Variants in MED13L observed in about 807,000 individuals in gnomAD.
The protein encoded by MED13L is mediator of RNA polymerase II transcription subunit 13-like.
A neutral mutation model predicts 220.9 loss-of-function variants in MED13L; 7 were observed. The observed-to-expected ratio is 0.03, with a 90% CI of 0.02 to 0.06. The LOEUF is 0.06. Ranked by LOEUF, MED13L falls within the 10% of genes least tolerant of loss-of-function variation. MED13L has a pLI of 1.00. For missense variants in MED13L, 1,965 were observed against 2,760.5 expected (o/e 0.71, Z 6.46); for synonymous variants, 1,011 against 1,015.2 (o/e 1.00, Z 0.08).
At chr12:116,007,706 T>C (rs932566876) in intron 10 of MED13L, 70 bp from the exon 11 acceptor site, 6 of 1,363,130 alleles carry the variant, frequency 4.4e-6, no homozygotes, top group South Asian at 1.3e-5. Context: ...TTTAAACTTT[T>C]TGTAAAAACA....
intron 4 of MED13L, among the ~76,000 whole-genome samples, chr12:116,085,588 T>A (rs576394484): frequency 7.2e-5 from 11 of 152,194 alleles, no homozygotes; most frequent in Non-Finnish European, 1.0e-4. Context: ...CCTTTTGTGC[T>A]GGGAATTATA....
intron 4 of MED13L, among the ~76,000 whole-genome samples, chr12:116,070,653 G>C (rs959896183): frequency 6.6e-6 from 1 of 152,116 alleles, no homozygotes; most frequent in Admixed American, 6.5e-5. Flanking sequence ...ACAGTGCCCA[G>C]AATAATATAC....
chr12:116,207,250 C>T (rs1882395489), intron 2 of MED13L, among the ~76,000 whole-genome samples: 1 of 151,956 alleles, frequency 6.6e-6, no homozygotes, highest in African/African-American at 2.4e-5. Context: ...ATTCTCCTGC[C>T]TCACCCTCCC....
intron 4 of MED13L, among the ~76,000 whole-genome samples, chr12:116,091,695 T>C (rs772411447): frequency 1.3e-5 from 2 of 152,240 alleles, no homozygotes; most frequent in Non-Finnish European, 2.9e-5. Flanking sequence ...GCTACTGCAA[T>C]CTGAATTTCA....
In MED13L at chr12:116,008,160, A is replaced by G. The variant is rs1026641492; in HGVS notation, c.2012+241T>C. On this transcript the variant is annotated intron_variant, in intron 10 of 30. Transcript: ENST00000281928. ...AACAGTAGGGCAAAAATGTATTAAT[A>G]TATTTGGAGTGTACTTAAATGGCAT... 3 of 521,070 alleles carry G rather than the reference A, an allele frequency of 5.8e-6. No individual in the cohort carries two copies. The South Asian group carries it at 1.2e-4, about 21-fold the overall frequency. 32.3% of individuals were successfully genotyped at this position (521,070 alleles called of 1,614,324 possible).
intron 4 of MED13L, among the ~76,000 whole-genome samples, chr12:116,066,140 C>A (rs968854002): frequency 6.6e-6 from 1 of 152,216 alleles, no homozygotes; most frequent in African/African-American, 2.4e-5. Context: ...TGTGCACACA[C>A]AGAGTTCCAT....
chr12:116,031,802 A>AGG lies in MED13L; in HGVS notation c.480-9202_480-9201insCC, dbSNP rs1191126238. Among the ~76,000 whole-genome samples the AGG allele has an allele frequency of 2.8e-3, 424 of 150,290 alleles. 10 individuals are homozygous for AGG. The highest frequency in any genetic ancestry group is 8.2e-3 in the African/African-American group (332 of 40,692). ...AAGGAAGGAAGGAAGGAAGGAAGGA[A>AGG]AGAAAGAGAGAAAGAAAAAAAGAAA... On this transcript the variant is annotated intron_variant, in intron 4 of 30. Coordinates refer to ENST00000281928, the MANE Select transcript of MED13L (RefSeq NM_015335.5).
intron 1 of MED13L, among the ~76,000 whole-genome samples, chr12:116,258,533 T>G (rs1872238913): frequency 6.6e-6 from 1 of 151,968 alleles, no homozygotes; most frequent in Non-Finnish European, 1.5e-5. Flanking sequence ...TCCCAGCACT[T>G]TGGGAGGCCG....
chr12:115,987,370 AT>A, intron 17 of MED13L, 82 bp from the exon 18 acceptor site: 2 of 1,311,260 alleles, frequency 1.5e-6, no homozygotes, highest in Non-Finnish European at 2.2e-6. Flanking sequence ...AGCCTCAGTT[AT>A]ATTCAGAACA....
intron 1 of MED13L, among the ~76,000 whole-genome samples, chr12:116,246,755 G>A (rs532674239): frequency 7.0e-4 from 83 of 117,868 alleles, no homozygotes; most frequent in Middle Eastern, 3.9e-3. Flanking sequence ...AGGTGGTGGC[G>A]GGCTGGGGAG....
chr12:116,227,937 A>T (rs931996363), intron 2 of MED13L, among the ~76,000 whole-genome samples: 11 of 152,310 alleles, frequency 7.2e-5, no homozygotes, highest in Admixed American at 5.2e-4. Context: ...AATAAATAAA[A>T]AATTTAAAAA....
intron 4 of MED13L, among the ~76,000 whole-genome samples, chr12:116,058,025 T>A (rs908133707): frequency 6.6e-6 from 1 of 152,102 alleles, no homozygotes; most frequent in Non-Finnish European, 1.5e-5. Flanking sequence ...TCACGAAAAA[T>A]TCATTTACTT....
intron 2 of MED13L, among the ~76,000 whole-genome samples, chr12:116,199,167 C>T (rs931690293): frequency 6.6e-6 from 1 of 152,120 alleles, no homozygotes; most frequent in African/African-American, 2.4e-5. Flanking sequence ...CATTCTGGTC[C>T]CATTTTTTTT....
intron 16 of MED13L, among the ~76,000 whole-genome samples, chr12:115,994,825 G>A (rs1469668271): frequency 3.3e-5 from 5 of 152,152 alleles, no homozygotes; most frequent in African/African-American, 9.7e-5. Context: ...CCAGCCAGGC[G>A]CTCAGGGTGC....
rs1029132361 is a variant in MED13L, at chr12:116,269,655, AAAAAC to A, written c.72+7400_72+7404del. Among the ~76,000 whole-genome samples the A allele has an allele frequency of 3.0e-4, 45 of 152,280 alleles. 1 individual carries two copies. Among genetic ancestry groups the A allele is most frequent in the African/African-American group, 1.0e-3 (42 of 41,556 alleles). On this transcript the variant is annotated intron_variant, in intron 1 of 30. Coordinates refer to ENST00000281928, the MANE Select transcript of MED13L (RefSeq NM_015335.5). The stretch of plus-strand genomic sequence containing the variant: ...CTTAGTGACACAGGGAGACTGTCTC[AAAAAC>A]AAAACAAAACAAAACAGACAAAAAA...
chr12:116,217,989 C>G (rs533405127), intron 2 of MED13L, among the ~76,000 whole-genome samples: 1 of 152,318 alleles, frequency 6.6e-6, no homozygotes, highest in Non-Finnish European at 1.5e-5. Context: ...TTTCCCAGCA[C>G]ACAACATAGT....
At chr12:116,091,845 A>G (rs1210305376) in intron 4 of MED13L, among the ~76,000 whole-genome samples, 1 of 152,224 alleles carries the variant, frequency 6.6e-6, no homozygotes, top group Non-Finnish European at 1.5e-5. Flanking sequence ...TGGTTCTGGT[A>G]ACACCAGTCT....
At chr12:116,275,664 G>T (rs889704059) in intron 1 of MED13L, among the ~76,000 whole-genome samples, 4 of 152,108 alleles carry the variant, frequency 2.6e-5, no homozygotes, top group Non-Finnish European at 5.9e-5. Context: ...GATTAAGAGG[G>T]AAATAATGCT....
intron 23 of MED13L, 124 bp from the exon 24 acceptor site, chr12:115,975,862 C>T (rs1397282563): frequency 6.1e-6 from 5 of 822,734 alleles, no homozygotes; most frequent in Non-Finnish European, 1.0e-5. Context: ...CTCTCTCTCT[C>T]TCTCCAGTAC....
Sources: gnomAD v4.1 joint callset for allele counts (sites outside exome capture counted in the v4.1 genomes callset) on GRCh38, gnomAD v4.1.1 for gene constraint, MANE v1.5 for transcripts, NCBI Gene and HGNC (gene_info 2026-07-23, HGNC 2026-07-21) for gene names.